The following TUBB variants were observed in gnomAD, a reference collection of about 807,000 sequenced individuals.
TUBB encodes tubulin beta chain.
In TUBB, 2 loss-of-function variants were observed where a neutral mutation model predicts 35.1. The observed-to-expected ratio is 0.06, with a 90% CI of 0.02 to 0.18. The LOEUF (loss-of-function observed/expected upper bound fraction) is 0.18. Among genes scored for constraint, TUBB ranks in the 10% least tolerant of loss-of-function variants. The pLI, the probability that TUBB is intolerant of heterozygous loss-of-function variation, is 1.00. For missense variants in TUBB, 50 were observed against 599.4 expected (o/e 0.08, Z 9.57); for synonymous variants, 205 against 223.8 (o/e 0.92, Z 0.75).
chr6:30,720,401 T>A lies in TUBB; in HGVS notation c.-106T>A. The A allele has an allele frequency of 1.8e-6, 2 of 1,099,892 alleles. No homozygotes were observed. Among genetic ancestry groups the A allele is most frequent in the Non-Finnish European group, 2.8e-6 (2 of 721,892 alleles). 68.1% of individuals were successfully genotyped at this position (1,099,892 alleles called of 1,614,324 possible). On this transcript the variant is annotated 5_prime_UTR_variant, in exon 1 of 4. Transcript: ENST00000327892. ...GTTTGCACCTCGCTGCTCCAGCCTC[T>A]GGGGCGCATTCCAACCTTCCAGCCT...
chr6:30,722,428 C>T (rs1776343363), intron 1 of TUBB, 109 bp from the exon 2 acceptor site: 8 of 765,768 alleles, frequency 1.0e-5, no homozygotes, highest in Middle Eastern at 3.6e-4. Flanking sequence ...GGTGACAGAG[C>T]GAGACTCCGT....
At chr6:30,723,260 T>TA in intron 3 of TUBB, 80 bp from the exon 4 acceptor site, 1 of 1,210,212 alleles carries the variant, frequency 8.3e-7, no homozygotes, top group Non-Finnish European at 1.2e-6. Context: ...CCGAGGGAAT[T>TA]ATTTGAAAAG....
intron 1 of TUBB, 96 bp from the exon 2 acceptor site, chr6:30,722,441 C>T (rs1028991977): frequency 4.5e-6 from 4 of 894,738 alleles, no homozygotes; most frequent in Middle Eastern, 2.7e-4. Flanking sequence ...GACTCCGTCT[C>T]AAAAAAAATT....
At position 30,720,393 on chromosome 6, in the gene TUBB, C is replaced by A. The variant is rs1394845976; in HGVS notation, c.-114C>A. On this transcript the variant is annotated 5_prime_UTR_variant, in exon 1 of 4. Coordinates refer to ENST00000327892, the MANE Select transcript of TUBB (RefSeq NM_178014.4). ...GCCGTCGCGTTTGCACCTCGCTGCT[C>A]CAGCCTCTGGGGCGCATTCCAACCT... 2 of 1,025,622 alleles carry A rather than the reference C, an allele frequency of 2.0e-6. No homozygotes were observed. Among genetic ancestry groups the A allele is most frequent in the Non-Finnish European group, 3.0e-6 (2 of 657,270 alleles). 63.5% of individuals were successfully genotyped at this position (1,025,622 alleles called of 1,614,324 possible). A position where few individuals can be genotyped will look rare whatever the true frequency, so the allele number is the denominator to read the frequency against.
chr6:30,723,176 G>A (rs1221509572), intron 3 of TUBB, 148 bp downstream of exon 3: 40 of 898,308 alleles, frequency 4.5e-5, no homozygotes, highest in Non-Finnish European at 5.7e-5. Flanking sequence ...GGTAGAGGTA[G>A]TGCCTACTAT....
At chr6:30,721,860 G>A (rs1776295320) in intron 1 of TUBB, 1 of 985,644 alleles carries the variant, frequency 1.0e-6, no homozygotes, top group Admixed American at 6.1e-5. Flanking sequence ...ACAACGGCCT[G>A]AGCGCTTGTG....
chr6:30,720,613 T>C (rs369470992), intron 1 of TUBB, 50 bp downstream of exon 1: 24 of 1,570,252 alleles, frequency 1.5e-5, no homozygotes, highest in Non-Finnish European at 2.1e-5. Flanking sequence ...AAAATCCAGG[T>C]AAGTTATGAA....
chr6:30,722,743 G>C, intron 2 of TUBB, 98 bp downstream of exon 2: 4 of 1,214,732 alleles, frequency 3.3e-6, no homozygotes, highest in Non-Finnish European at 4.7e-6. Flanking sequence ...CCCTTTGGGT[G>C]AATCTGTCAT....
intron 2 of TUBB, 98 bp downstream of exon 2, chr6:30,722,743 G>A: frequency 8.2e-7 from 1 of 1,214,732 alleles, no homozygotes. Context: ...CCCTTTGGGT[G>A]AATCTGTCAT....
chr6:30,721,886 A>C (rs1285481270), intron 1 of TUBB: 2 of 984,818 alleles, frequency 2.0e-6, no homozygotes, highest in Non-Finnish European at 2.4e-6. Context: ...AAAATGGGAG[A>C]TGTGGGGCCG....
Position 30,724,716 on chromosome 6 carries a change from C to A in TUBB, c.*319C>A, listed in dbSNP as rs1776523657. 7.9e-6 allele frequency: 3 copies of A among 382,020 alleles called. No individual in the cohort carries two copies. Among genetic ancestry groups the A allele is most frequent in the Non-Finnish European group, 1.4e-5 (3 of 214,088 alleles). 23.7% of individuals were successfully genotyped at this position (382,020 alleles called of 1,614,324 possible). On this transcript the variant is annotated 3_prime_UTR_variant, in exon 4 of 4. Transcript: ENST00000327892. This position sits in a 1 kb window ranked among gnomAD's most constrained non-coding sequence, Gnocchi z 4.4. Reference sequence around the variant, plus strand: ...TCTCCAAGAAGCTGGGTCTCCAGATCCCATTTAGAACCAACCAGGTGCTGA... The same window carrying A: ...TCTCCAAGAAGCTGGGTCTCCAGATACCATTTAGAACCAACCAGGTGCTGA...
intron 1 of TUBB, chr6:30,722,286 T>TA (rs1033854118): frequency 5.6e-5 from 25 of 450,280 alleles, no homozygotes; most frequent in Admixed American, 3.6e-5. Flanking sequence ...CTACTAAAAA[T>TA]ACAAAAAGTA....
At chr6:30,720,868 G>A (rs1776175020) in intron 1 of TUBB, among the ~76,000 whole-genome samples, 1 of 152,272 alleles carries the variant, frequency 6.6e-6, no homozygotes, top group Non-Finnish European at 1.5e-5. Context: ...ACCGGGCAGG[G>A]AGAGAGATGC....
At chr6:30,721,516 G>A in intron 1 of TUBB, 3 of 982,844 alleles carry the variant, frequency 3.1e-6, no homozygotes, top group Non-Finnish European at 3.6e-6. Flanking sequence ...CCTCGCGCGC[G>A]GAATTTTTGT....
intron 1 of TUBB, among the ~76,000 whole-genome samples, 154 bp downstream of exon 1, chr6:30,720,717 C>T (rs1428203218): frequency 6.6e-6 from 1 of 151,944 alleles, no homozygotes; most frequent in African/African-American, 2.4e-5. Flanking sequence ...TTGTAGCTAG[C>T]ATTTGCCTTT....
rs991111108 is a variant in TUBB, at chr6:30,723,818, G to A, written c.756G>A (p.Lys252=). 1.2e-6 allele frequency: 2 copies of A among 1,613,972 alleles called. No individual in the cohort carries two copies. Among genetic ancestry groups the A allele is most frequent in the African/African-American group, 2.7e-5 (2 of 74,922 alleles). ...GCCAGCTCAATGCTGACCTCCGCAAGTTGGCAGTCAACATGGTCCCCTTCC... is the reference window on the plus strand; with the variant it reads ...GCCAGCTCAATGCTGACCTCCGCAAATTGGCAGTCAACATGGTCCCCTTCC... The part of the protein sequence containing the change: ...FPGQLNADLR[K]LAVNMVPFPR... The change falls in exon 4 of 4, where the codon AAG becomes AAA. Residue 252 remains lysine, a synonymous_variant. Coordinates refer to ENST00000327892, the MANE Select transcript of TUBB (RefSeq NM_178014.4).
chr6:30,724,503 T>C lies in TUBB; in HGVS notation c.*106T>C. 2 of 1,077,456 alleles carry C rather than the reference T, an allele frequency of 1.9e-6. No individual in the cohort carries two copies. Among genetic ancestry groups the C allele is most frequent in the South Asian group, 1.6e-5 (1 of 60,608 alleles). 66.7% of individuals were successfully genotyped at this position (1,077,456 alleles called of 1,614,324 possible). ...GTGTTTGCTGCCTCTATCTTGTTTT[T>C]TGTTTTTTCTTCTGGGGGGGGTCTA... On this transcript the variant is annotated 3_prime_UTR_variant, in exon 4 of 4. Coordinates refer to ENST00000327892, the MANE Select transcript of TUBB (RefSeq NM_178014.4). The surrounding 1 kb of genome is among the most constrained non-coding windows in gnomAD (Gnocchi z 4.4).
At chr6:30,721,832 G>A (rs1581662881) in intron 1 of TUBB, 1 of 985,352 alleles carries the variant, frequency 1.0e-6, no homozygotes, top group East Asian at 1.1e-4. Flanking sequence ...GCAGGCCCAC[G>A]GGATGCCATG....
intron 1 of TUBB, among the ~76,000 whole-genome samples, chr6:30,721,090 G>A (rs970131569): frequency 6.6e-6 from 1 of 152,218 alleles, no homozygotes; most frequent in Non-Finnish European, 1.5e-5. Context: ...CAACGCGCCC[G>A]CGACCCCAGA....
Sources: allele counts gnomAD v4.1 joint callset (sites outside exome capture counted in the v4.1 genomes callset), GRCh38; gene constraint gnomAD v4.1.1; non-coding constraint Gnocchi (gnomAD v3.1); transcripts MANE v1.5; gene names NCBI Gene and HGNC (gene_info 2026-07-23, HGNC 2026-07-21).